The following PRELID2 variants were observed in gnomAD, a reference collection of about 807,000 sequenced individuals.
PRELID2 encodes the protein PRELI domain-containing protein 2.
In PRELID2, 25 loss-of-function variants were observed where a neutral mutation model predicts 28.4. The ratio of observed to expected loss-of-function variants is 0.88; its 90% CI spans 0.64 to 1.23. PRELID2 has a LOEUF of 1.23. Ranked by LOEUF, PRELID2 falls within the 50% of genes most tolerant of loss-of-function variation. PRELID2 has a pLI of 0.00. For synonymous variants in PRELID2, 76 were observed against 71.6 expected (o/e 1.06, Z -0.31); for missense variants, 201 against 214.4 (o/e 0.94, Z 0.39).
the PRELID2 span, among the ~76,000 whole-genome samples, chr5:145,391,569 G>A: frequency 6.6e-6 from 1 of 152,130 alleles, no homozygotes; most frequent in African/African-American, 2.4e-5. Flanking sequence ...TGCTGTGAAG[G>A]TCTCTGACAT....
At chr5:145,404,765 A>G in the PRELID2 span, among the ~76,000 whole-genome samples, 2 of 152,212 alleles carry the variant, frequency 1.3e-5, no homozygotes, top group South Asian at 4.1e-4. Context: ...TTGACTGTCT[A>G]TGGTCCAGTT....
intron 1 of PRELID2, among the ~76,000 whole-genome samples, chr5:145,741,947 A>T (rs1756805268): frequency 1.5e-4 from 1 of 6,618 alleles, no homozygotes; most frequent in South Asian, 4.0e-3. Flanking sequence ...AAATAAATAA[A>T]TTTATTATAA....
rs184286508 is a variant in PRELID2 at position 145,652,332 on chromosome 5, G to A, written n.70+112599C>T. Among the ~76,000 whole-genome samples the A allele has an allele frequency of 2.0e-3, 299 of 152,316 alleles. 2 individuals carry two copies. The highest frequency in any genetic ancestry group is 6.8e-3 in the African/African-American group (284 of 41,570). ...GAACCAAGTTGGAAAACACTCTGCA[G>A]GATGTTATCCAGAACTTCCACAACC... On this transcript the variant is annotated intron_variant and non_coding_transcript_variant, in intron 1 of 2. Transcript: ENST00000510259.
intron 1 of PRELID2, among the ~76,000 whole-genome samples, chr5:145,731,596 AT>A (rs1457174303): frequency 2.0e-5 from 3 of 152,304 alleles, no homozygotes; most frequent in African/African-American, 7.2e-5. Context: ...ATGGCAGGTC[AT>A]TTCTCCCTTC....
chr5:145,656,355 T>G (rs371359834), intron 1 of PRELID2, among the ~76,000 whole-genome samples: 3 of 152,214 alleles, frequency 2.0e-5, no homozygotes, highest in East Asian at 1.9e-4. Flanking sequence ...AATTCCTCAA[T>G]GATCTAGAAC....
intron 1 of PRELID2, among the ~76,000 whole-genome samples, chr5:145,730,884 T>A (rs987234914): frequency 9.9e-5 from 15 of 152,054 alleles, no homozygotes; most frequent in African/African-American, 3.4e-4. Flanking sequence ...GCCGGAAAGA[T>A]GCCTGCCCCA....
the PRELID2 span, among the ~76,000 whole-genome samples, chr5:145,281,708 G>A: frequency 5.1e-4 from 78 of 152,274 alleles, no homozygotes; most frequent in Non-Finnish European, 9.4e-4. Context: ...TGTCCATTGC[G>A]TGAAAATCTA....
At chr5:145,248,366 A>G in the PRELID2 span, among the ~76,000 whole-genome samples, 1 of 152,114 alleles carries the variant, frequency 6.6e-6, no homozygotes, top group Admixed American at 6.6e-5. Context: ...AAAAATATTA[A>G]CTTAAAATTA....
At chr5:145,360,267 G>A in the PRELID2 span, among the ~76,000 whole-genome samples, 3 of 152,214 alleles carry the variant, frequency 2.0e-5, no homozygotes, top group Admixed American at 2.0e-4. Context: ...ATCCCCCAAA[G>A]AGTGGCAGGA....
chr5:145,402,672 C>T, the PRELID2 span, among the ~76,000 whole-genome samples: 1 of 152,082 alleles, frequency 6.6e-6, no homozygotes. Flanking sequence ...TTAGTGTGCA[C>T]CTGATGAGCC....
At chr5:145,652,195 G>A (rs189569517) in intron 1 of PRELID2, among the ~76,000 whole-genome samples, 76 of 152,184 alleles carry the variant, frequency 5.0e-4, no homozygotes, top group African/African-American at 1.8e-3. Flanking sequence ...AAGAAGAGAA[G>A]TTTAGAAAAA....
chr5:145,591,808 G>A (rs1352993039), intron 1 of PRELID2, among the ~76,000 whole-genome samples: 2 of 152,186 alleles, frequency 1.3e-5, no homozygotes, highest in Non-Finnish European at 2.9e-5. Flanking sequence ...CATTTGACTT[G>A]CATACTTAAA....
the PRELID2 span, among the ~76,000 whole-genome samples, chr5:145,389,069 G>A: frequency 2.6e-5 from 4 of 152,210 alleles, no homozygotes; most frequent in South Asian, 6.2e-4. Flanking sequence ...TTTACCAAAT[G>A]AATATCCTGA....
the PRELID2 span, among the ~76,000 whole-genome samples, chr5:145,321,430 C>G: frequency 6.6e-6 from 1 of 152,220 alleles, no homozygotes; most frequent in Non-Finnish European, 1.5e-5. Flanking sequence ...CTGAAAGACT[C>G]TGCACATGTA....
intron 1 of PRELID2, among the ~76,000 whole-genome samples, chr5:145,632,773 T>C (rs1225510561): frequency 1.3e-5 from 2 of 152,152 alleles, no homozygotes; most frequent in African/African-American, 4.8e-5. Flanking sequence ...ATGATTATGT[T>C]ACATTATATG....
intron 1 of PRELID2, among the ~76,000 whole-genome samples, chr5:145,669,221 T>C (rs1252212499): frequency 1.3e-5 from 2 of 152,150 alleles, no homozygotes; most frequent in Admixed American, 6.6e-5. Flanking sequence ...CAATATTGGA[T>C]AGGAAAACAA....
chr5:145,784,487 A>C (rs1397253548), intron 5 of PRELID2, among the ~76,000 whole-genome samples: 1 of 152,232 alleles, frequency 6.6e-6, no homozygotes. Context: ...GATGATATCC[A>C]GTGCCAAATT....
intron 1 of PRELID2, among the ~76,000 whole-genome samples, chr5:145,702,352 G>GAAATAGGACATCAAGACA (rs1561549592): frequency 2.6e-5 from 4 of 152,120 alleles, no homozygotes; most frequent in African/African-American, 9.7e-5. Flanking sequence ...CATGCACAGA[G>GAAATAGGACATCAAGACA]AAATAGGACA....
intron 1 of PRELID2, among the ~76,000 whole-genome samples, chr5:145,558,772 T>C (rs191157084): frequency 6.6e-6 from 1 of 152,288 alleles, no homozygotes; most frequent in Admixed American, 6.5e-5. Context: ...ACTTTGAAGA[T>C]GGAGCTAATG....
Sources: gnomAD v4.1 joint callset for allele counts (sites outside exome capture counted in the v4.1 genomes callset) on GRCh38, gnomAD v4.1.1 for gene constraint, MANE v1.5 for transcripts, NCBI Gene and HGNC (gene_info 2026-07-23, HGNC 2026-07-21) for gene names.